The following LINGO2 variants were observed in gnomAD, a reference collection of about 807,000 sequenced individuals.
LINGO2 encodes the protein leucine rich repeat and Ig domain containing 2, also known as leucine-rich repeat and immunoglobulin-like domain-containing nogo receptor-interacting protein 2.
A neutral mutation model predicts 30.6 loss-of-function variants in LINGO2; 14 were observed. The observed-to-expected ratio is 0.46, with a 90% CI of 0.30 to 0.72. LINGO2 has a LOEUF of 0.72. LINGO2 is among the 30% of genes least tolerant of loss of function. The pLI is 0.07. For synonymous variants in LINGO2, 317 were observed against 288.5 expected, an observed-to-expected ratio of 1.10 and a Z score of -1.00; for missense variants, 729 against 751.7, an observed-to-expected ratio of 0.97 and a Z score of 0.35.
the LINGO2 span, among the ~76,000 whole-genome samples, chr9:29,170,146 C>T: frequency 2.6e-5 from 4 of 152,180 alleles, no homozygotes; most frequent in Non-Finnish European, 4.4e-5. Flanking sequence ...AAGACACCTG[C>T]ATTCATAAGT....
At chr9:29,125,234 G>A in the LINGO2 span, among the ~76,000 whole-genome samples, 1 of 151,972 alleles carries the variant, frequency 6.6e-6, no homozygotes, top group Non-Finnish European at 1.5e-5. Flanking sequence ...CACAGGGAGG[G>A]GAATATCACA....
At chr9:28,164,759 A>C (rs1828380829) in intron 4 of LINGO2, among the ~76,000 whole-genome samples, 1 of 152,126 alleles carries the variant, frequency 6.6e-6, no homozygotes, top group Non-Finnish European at 1.5e-5. Flanking sequence ...CATCAGGGTA[A>C]GTTATTGGTG....
intron 1 of LINGO2, among the ~76,000 whole-genome samples, chr9:28,578,831 T>A (rs1824118934): frequency 2.0e-5 from 3 of 152,150 alleles, no homozygotes. Flanking sequence ...AAAATATGTA[T>A]AAATTCATGG....
intron 4 of LINGO2, among the ~76,000 whole-genome samples, chr9:28,045,001 C>G (rs969841155): frequency 6.6e-6 from 1 of 152,040 alleles, no homozygotes; most frequent in African/African-American, 2.4e-5. Context: ...ATTTCGTAAT[C>G]CCAGTGTGCC....
intron 1 of LINGO2, among the ~76,000 whole-genome samples, chr9:28,605,361 T>C (rs887441696): frequency 6.6e-6 from 1 of 151,956 alleles, no homozygotes; most frequent in Non-Finnish European, 1.5e-5. Flanking sequence ...CTGGACCGTA[T>C]TTCACTACAC....
chr9:28,593,115 T>A (rs564798903), intron 1 of LINGO2, among the ~76,000 whole-genome samples: 197 of 152,072 alleles, frequency 1.3e-3, no homozygotes, highest in African/African-American at 4.6e-3. Flanking sequence ...CTTCAGCAAA[T>A]CAAGAATTCA....
the LINGO2 span, among the ~76,000 whole-genome samples, chr9:29,210,178 T>C: frequency 2.0e-5 from 3 of 152,194 alleles, no homozygotes; most frequent in Non-Finnish European, 2.9e-5. Flanking sequence ...ATTTTAATGT[T>C]TGGTCTCTTT....
intron 2 of LINGO2, among the ~76,000 whole-genome samples, chr9:28,459,762 G>C (rs940120372): frequency 2.0e-5 from 3 of 151,796 alleles, no homozygotes; most frequent in African/African-American, 7.3e-5. Flanking sequence ...CTGTTGCCTA[G>C]ACATATTTGA....
intron 5 of LINGO2, among the ~76,000 whole-genome samples, chr9:28,000,616 C>A (rs997586427): frequency 9.2e-5 from 14 of 152,272 alleles, no homozygotes; most frequent in African/African-American, 3.1e-4. Context: ...TTCAATCAGA[C>A]AAACATTTAT....
the LINGO2 span, among the ~76,000 whole-genome samples, chr9:28,714,249 G>T: frequency 6.8e-6 from 1 of 147,746 alleles, no homozygotes; most frequent in African/African-American, 2.5e-5. Flanking sequence ...CTCCACTACA[G>T]TCATTAACAT....
intron 1 of LINGO2, among the ~76,000 whole-genome samples, chr9:28,516,810 A>G (rs1820636017): frequency 6.6e-6 from 1 of 152,156 alleles, no homozygotes; most frequent in Non-Finnish European, 1.5e-5. Flanking sequence ...TAGAATTGGG[A>G]TCAGATGATT....
rs550728153 is a variant in LINGO2 at position 28,198,317 on chromosome 9, T to G, written c.-87+96891A>C. Among the ~76,000 whole-genome samples, 5 of 152,224 alleles carry G rather than the reference T, an allele frequency of 3.3e-5. No individual in the cohort carries two copies. The East Asian group carries it at 7.7e-4, about 24-fold the overall frequency. On this transcript the variant is annotated intron_variant, in intron 4 of 5. Coordinates refer to ENST00000379992, the Ensembl canonical transcript of LINGO2. ...GTATACAGTTTTACCACTAGTATTC[T>G]GTATAAATGTGCATGGACCTACATA... is the stretch of plus-strand genomic sequence containing the variant.
At chr9:28,665,461 G>A (rs1050645981) in intron 1 of LINGO2, among the ~76,000 whole-genome samples, 2 of 152,024 alleles carry the variant, frequency 1.3e-5, no homozygotes, top group Non-Finnish European at 2.9e-5. Flanking sequence ...AAAAATAAAT[G>A]AGTTGCCCTA....
At chr9:28,878,134 A>T in the LINGO2 span, among the ~76,000 whole-genome samples, 1 of 150,146 alleles carries the variant, frequency 6.7e-6, no homozygotes, top group South Asian at 2.2e-4. Flanking sequence ...AAACAGATGC[A>T]ATAAAAAATG....
At chr9:28,958,316 T>TCATG in the LINGO2 span, among the ~76,000 whole-genome samples, 1 of 152,172 alleles carries the variant, frequency 6.6e-6, no homozygotes. Flanking sequence ...ATGGTGACCC[T>TCATG]GTAATGATGA....
intron 1 of LINGO2, among the ~76,000 whole-genome samples, chr9:28,636,664 A>C (rs994103194): frequency 3.3e-5 from 5 of 151,534 alleles, no homozygotes; most frequent in African/African-American, 1.2e-4. Flanking sequence ...CCACTTGTTG[A>C]TGGGGTTGTT....
intron 4 of LINGO2, among the ~76,000 whole-genome samples, chr9:28,220,128 G>T (rs1820904725): frequency 6.6e-6 from 1 of 152,092 alleles, no homozygotes; most frequent in Non-Finnish European, 1.5e-5. Flanking sequence ...TTTACAGGAG[G>T]ATGTATGTAT....
At chr9:28,907,575 G>A in the LINGO2 span, among the ~76,000 whole-genome samples, 7,355 of 151,738 alleles carry the variant, frequency 0.048, 241 homozygotes, top group East Asian at 0.12. Context: ...GATGAAAATC[G>A]TACTTAATAA....
chr9:28,628,215 A>G (rs1276357549), intron 1 of LINGO2, among the ~76,000 whole-genome samples: 3 of 152,042 alleles, frequency 2.0e-5, no homozygotes, highest in Non-Finnish European at 2.9e-5. Flanking sequence ...GACCAGGAAG[A>G]TCCAAGCTTA....
Sources: gnomAD v4.1 joint callset for allele counts (sites outside exome capture counted in the v4.1 genomes callset) on GRCh38, gnomAD v4.1.1 for gene constraint, MANE v1.5 for transcripts, NCBI Gene and HGNC (gene_info 2026-07-23, HGNC 2026-07-21) for gene names.